TMEM132D: variants seen among roughly 807,000 people sequenced by gnomAD.
The protein encoded by TMEM132D is mature OL transmembrane protein.
A neutral mutation model predicts 62.3 loss-of-function variants in TMEM132D; 21 were observed. The ratio of observed to expected loss-of-function variants is 0.34; its 90% CI spans 0.24 to 0.49. The LOEUF is 0.49. Among genes scored for constraint, TMEM132D ranks in the 20% least tolerant of loss-of-function variants. TMEM132D has a pLI of 0.99. For synonymous variants in TMEM132D, 621 were observed against 575.6 expected (o/e 1.08, Z -1.13); for missense variants, 1,346 against 1,402.8 (o/e 0.96, Z 0.65).
At chr12:129,674,751 G>T (rs1203441692) in intron 2 of TMEM132D, among the ~76,000 whole-genome samples, 1 of 152,126 alleles carries the variant, frequency 6.6e-6, no homozygotes, top group African/African-American at 2.4e-5. Context: ...ATGTTGGCCA[G>T]ACTGGTCTCG....
rs547055397 is a variant in TMEM132D at position 129,195,265 on chromosome 12, G to A, written c.1443+14255C>T. Among the ~76,000 whole-genome samples the A allele has an allele frequency of 1.6e-4, 25 of 152,192 alleles. 2 individuals carry two copies. In the South Asian group the frequency reaches 5.0e-3, roughly 30 times the overall value. ...TCTCCAGGCAGGCACAGGCCTGGGAGGTTCCAAGAGTCATCAAGAAGCCCA... is the reference window on the plus strand; with the variant it reads ...TCTCCAGGCAGGCACAGGCCTGGGAAGTTCCAAGAGTCATCAAGAAGCCCA... On this transcript the variant is annotated intron_variant, in intron 5 of 8. Transcript: ENST00000422113.
intron 4 of TMEM132D, among the ~76,000 whole-genome samples, chr12:129,336,189 T>C (rs963239520): frequency 1.3e-5 from 2 of 152,210 alleles, no homozygotes; most frequent in South Asian, 2.1e-4. Context: ...GGGAGCTCTG[T>C]TGCTCTCAGC....
At chr12:129,626,849 A>G (rs1565928020) in intron 2 of TMEM132D, among the ~76,000 whole-genome samples, 1 of 152,156 alleles carries the variant, frequency 6.6e-6, no homozygotes, top group Non-Finnish European at 1.5e-5. Context: ...CCTCATCACT[A>G]AGGTTTCTGG....
intron 4 of TMEM132D, chr12:129,210,113 C>T (rs1462587820): frequency 1.8e-5 from 3 of 163,710 alleles, no homozygotes; most frequent in Non-Finnish European, 4.0e-5. Context: ...AGGATTTGAA[C>T]CTGGGAAGTC....
chr12:129,415,421 G>GA (rs1294404810), intron 3 of TMEM132D, among the ~76,000 whole-genome samples: 5 of 152,152 alleles, frequency 3.3e-5, no homozygotes, highest in African/African-American at 1.2e-4. Flanking sequence ...ATTTTTGATA[G>GA]AAAAATTGTC....
At chr12:129,094,590 T>TA (rs1295044045) in intron 5 of TMEM132D, among the ~76,000 whole-genome samples, 1 of 152,214 alleles carries the variant, frequency 6.6e-6, no homozygotes, top group Non-Finnish European at 1.5e-5. Flanking sequence ...GGTGGGACTG[T>TA]AAACTAGTTC....
At chr12:129,582,933 T>TTTTTG (rs368105172) in intron 2 of TMEM132D, among the ~76,000 whole-genome samples, 1,573 of 150,914 alleles carry the variant, frequency 0.01, 37 homozygotes, top group African/African-American at 0.037. Flanking sequence ...CCGAGTTTGT[T>TTTTTG]TTTTGTTTTG....
chr12:129,260,658 A>C (rs1440792885), intron 4 of TMEM132D, among the ~76,000 whole-genome samples: 1 of 152,108 alleles, frequency 6.6e-6, no homozygotes, highest in African/African-American at 2.4e-5. Flanking sequence ...TTTGTCTCTC[A>C]CCCCACTCTC....
chr12:129,340,550 A>T (rs186553108), intron 3 of TMEM132D, among the ~76,000 whole-genome samples: 102 of 151,430 alleles, frequency 6.7e-4, no homozygotes, highest in Non-Finnish European at 1.2e-3. Flanking sequence ...GAGTGAGAAC[A>T]TGCGGTGTTT....
intron 2 of TMEM132D, among the ~76,000 whole-genome samples, chr12:129,682,289 G>T (rs552851224): frequency 6.6e-6 from 1 of 152,246 alleles, no homozygotes; most frequent in African/African-American, 2.4e-5. Flanking sequence ...TGTGCTCAAG[G>T]TTCACCTTAC....
intron 4 of TMEM132D, among the ~76,000 whole-genome samples, chr12:129,300,237 A>T (rs61943912): frequency 1.3e-3 from 199 of 152,274 alleles, no homozygotes; most frequent in Non-Finnish European, 2.2e-3. Context: ...GCCGACCAAC[A>T]CTCAGAGAAG....
At chr12:129,235,172 T>C (rs1211269335) in intron 4 of TMEM132D, among the ~76,000 whole-genome samples, 1 of 152,260 alleles carries the variant, frequency 6.6e-6, no homozygotes, top group Non-Finnish European at 1.5e-5. Flanking sequence ...AGGTATAGTT[T>C]ACCTATAATA....
intron 4 of TMEM132D, among the ~76,000 whole-genome samples, chr12:129,211,543 C>G (rs1565998984): frequency 6.6e-6 from 1 of 152,116 alleles, no homozygotes; most frequent in Admixed American, 6.5e-5. Flanking sequence ...AATTACATAA[C>G]TATTTTCATT....
chr12:129,815,034 T>G lies in TMEM132D; in HGVS notation c.79+88227A>C, dbSNP rs1161613296. On this transcript the variant is annotated intron_variant, in intron 1 of 8. Transcript: ENST00000422113. ...GTAAATCTGTGGTCAATCTCCCTCATGAGCTTAAGAGCTCCCTGAGATTGG... is the reference window on the plus strand; with the variant it reads ...GTAAATCTGTGGTCAATCTCCCTCAGGAGCTTAAGAGCTCCCTGAGATTGG... Among the ~76,000 whole-genome samples the G allele has an allele frequency of 2.0e-5, 3 of 152,348 alleles. No individual in the cohort carries two copies. In the East Asian group the frequency reaches 5.8e-4, roughly 29 times the overall value.
intron 1 of TMEM132D, among the ~76,000 whole-genome samples, chr12:129,788,346 G>A (rs1871300006): frequency 1.3e-5 from 2 of 152,156 alleles, no homozygotes; most frequent in Admixed American, 6.5e-5. Flanking sequence ...TGAGGGTAGG[G>A]ATTTTGTCTT....
In TMEM132D at chr12:129,488,967, T is replaced by G. The variant is rs116245819; in HGVS notation, c.1115+42092A>C. On this transcript the variant is annotated intron_variant, in intron 3 of 8. Transcript: ENST00000422113. ...TTTTGTTCAGAGCAGCGGCAGTTCA[T>G]GGGCCAAGGCTAAAGTTGCAAGCCC... Among the ~76,000 whole-genome samples, 739 of 152,308 alleles carry G rather than the reference T, an allele frequency of 4.9e-3. 4 individuals carry two copies. The highest frequency in any genetic ancestry group is 0.017 in the African/African-American group (703 of 41,570).
chr12:129,556,477 C>T (rs1346724302), intron 2 of TMEM132D, among the ~76,000 whole-genome samples: 2 of 149,576 alleles, frequency 1.3e-5, no homozygotes, highest in African/African-American at 4.9e-5. Context: ...TTTTTTTTTT[C>T]CCCCAGAGGT....
intron 1 of TMEM132D, among the ~76,000 whole-genome samples, chr12:129,736,382 G>A (rs1193821616): frequency 6.6e-6 from 1 of 152,000 alleles, no homozygotes; most frequent in African/African-American, 2.4e-5. Context: ...CTGAAATATT[G>A]CTCTTACCAA....
chr12:129,643,254 C>T (rs1879688752), intron 2 of TMEM132D, among the ~76,000 whole-genome samples: 1 of 152,128 alleles, frequency 6.6e-6, no homozygotes, highest in African/African-American at 2.4e-5. Flanking sequence ...TACTTTCTTA[C>T]TCCAGGCTTC....
Sources: gnomAD v4.1 joint callset for allele counts (sites outside exome capture counted in the v4.1 genomes callset) on GRCh38, gnomAD v4.1.1 for gene constraint, MANE v1.5 for transcripts, NCBI Gene and HGNC (gene_info 2026-07-23, HGNC 2026-07-21) for gene names.